AGBL4: variants seen among roughly 807,000 people sequenced by gnomAD.
The protein encoded by AGBL4 is cytosolic carboxypeptidase 6.
A neutral mutation model predicts 66.4 loss-of-function variants in AGBL4; 58 were observed. That is an observed-to-expected ratio of 0.87 (90% CI 0.71 to 1.09). The LOEUF is 1.09. Among genes scored for constraint, AGBL4 ranks in the 50% least tolerant of loss-of-function variants. The pLI, the probability that AGBL4 is intolerant of heterozygous loss-of-function variation, is 0.00. For synonymous variants in AGBL4, 234 were observed against 222.9 expected (o/e 1.05, Z -0.44); for missense variants, 579 against 631.0 (o/e 0.92, Z 0.88).
intron 6 of AGBL4, among the ~76,000 whole-genome samples, chr1:48,761,675 A>G (rs965416974): frequency 6.6e-6 from 1 of 152,204 alleles, no homozygotes; most frequent in Admixed American, 6.5e-5. Flanking sequence ...GTTTGCTAAA[A>G]GCACTGTCAT....
intron 3 of AGBL4, among the ~76,000 whole-genome samples, chr1:49,273,449 TA>T (rs1367812888): frequency 2.0e-5 from 3 of 150,674 alleles, no homozygotes; most frequent in Non-Finnish European, 4.4e-5. Context: ...TTACTTTCAA[TA>T]AAAAATAAAA....
chr1:49,585,921 C>T (rs1644638402), intron 3 of AGBL4, among the ~76,000 whole-genome samples: 1 of 152,080 alleles, frequency 6.6e-6, no homozygotes, highest in African/African-American at 2.4e-5. Context: ...AAAATAATTC[C>T]CATTTTTCCC....
chr1:49,499,106 T>G (rs967193714), intron 3 of AGBL4, among the ~76,000 whole-genome samples: 6 of 152,010 alleles, frequency 3.9e-5, no homozygotes, highest in African/African-American at 1.4e-4. Flanking sequence ...TCTTCTTCAA[T>G]TTTTTGGGAG....
chr1:48,929,066 C>A (rs1288710021), intron 5 of AGBL4, among the ~76,000 whole-genome samples: 1 of 152,184 alleles, frequency 6.6e-6, no homozygotes, highest in African/African-American at 2.4e-5. Flanking sequence ...CACCAATAAC[C>A]TTCTCCAGAC....
At chr1:49,862,180 A>G (rs959886351) in intron 1 of AGBL4, among the ~76,000 whole-genome samples, 2 of 152,198 alleles carry the variant, frequency 1.3e-5, no homozygotes, top group African/African-American at 4.8e-5. Flanking sequence ...TATCAGATAC[A>G]TATAACATAG....
chr1:49,106,273 C>G (rs1308306426), intron 4 of AGBL4, among the ~76,000 whole-genome samples: 2 of 152,188 alleles, frequency 1.3e-5, no homozygotes, highest in Non-Finnish European at 2.9e-5. Flanking sequence ...ATCACACATA[C>G]ATACCTCACA....
intron 3 of AGBL4, among the ~76,000 whole-genome samples, chr1:49,655,236 T>A (rs1042644900): frequency 6.6e-6 from 1 of 152,170 alleles, no homozygotes. Context: ...GTTGAAAATT[T>A]TTTTCTTTAA....
At chr1:48,784,174 GAT>G (rs1341208647) in intron 6 of AGBL4, among the ~76,000 whole-genome samples, 9 of 152,152 alleles carry the variant, frequency 5.9e-5, no homozygotes, top group Admixed American at 5.9e-4. Context: ...GATTAAATGA[GAT>G]AATCTATGTA....
At chr1:48,784,360 C>T (rs1645363279) in intron 6 of AGBL4, among the ~76,000 whole-genome samples, 1 of 152,092 alleles carries the variant, frequency 6.6e-6, no homozygotes, top group Non-Finnish European at 1.5e-5. Flanking sequence ...ACAGACTGAA[C>T]AATGCTAATG....
intron 6 of AGBL4, among the ~76,000 whole-genome samples, chr1:48,685,243 A>G (rs1242521152): frequency 1.3e-5 from 2 of 152,364 alleles, no homozygotes; most frequent in Non-Finnish European, 2.9e-5. Flanking sequence ...AGTATTGGAA[A>G]CTAACTTTTT....
At chr1:49,649,960 C>T (rs989991390) in intron 3 of AGBL4, among the ~76,000 whole-genome samples, 3 of 152,092 alleles carry the variant, frequency 2.0e-5, no homozygotes, top group Non-Finnish European at 4.4e-5. Context: ...AAGGACAACT[C>T]ATCAAAATTT....
At chr1:49,483,023 T>C (rs557214856) in intron 3 of AGBL4, among the ~76,000 whole-genome samples, 2 of 152,088 alleles carry the variant, frequency 1.3e-5, no homozygotes, top group African/African-American at 4.8e-5. Context: ...TGGTGAAGAG[T>C]GTTTTATTTC....
chr1:48,820,979 G>C (rs886781467), intron 6 of AGBL4, among the ~76,000 whole-genome samples: 4 of 152,048 alleles, frequency 2.6e-5, no homozygotes, highest in African/African-American at 9.7e-5. Context: ...AGACATACAA[G>C]TGGCCAATAA....
At chr1:49,027,214 G>A (rs1207908356) in intron 5 of AGBL4, among the ~76,000 whole-genome samples, 1 of 151,996 alleles carries the variant, frequency 6.6e-6, no homozygotes, top group East Asian at 1.9e-4. Context: ...ATGCTGGAGT[G>A]CAATGGCGTG....
chr1:48,968,503 G>T (rs1172108328), intron 5 of AGBL4, among the ~76,000 whole-genome samples: 1 of 152,130 alleles, frequency 6.6e-6, no homozygotes, highest in Non-Finnish European at 1.5e-5. Context: ...TGGGGCTTAA[G>T]TTGGTGGTAA....
intron 3 of AGBL4, among the ~76,000 whole-genome samples, chr1:49,689,886 A>G (rs1423304029): frequency 1.3e-5 from 2 of 152,186 alleles, no homozygotes; most frequent in Non-Finnish European, 2.9e-5. Flanking sequence ...ATTTTGAAAG[A>G]AGTTCTACTG....
intron 3 of AGBL4, among the ~76,000 whole-genome samples, chr1:49,380,128 A>T (rs1224651767): frequency 6.6e-6 from 1 of 152,180 alleles, no homozygotes; most frequent in Non-Finnish European, 1.5e-5. Flanking sequence ...AAATCTCCTT[A>T]AGCTGATAAG....
At chr1:49,087,024 G>A (rs773598609) in intron 4 of AGBL4, among the ~76,000 whole-genome samples, 2 of 148,986 alleles carry the variant, frequency 1.3e-5, no homozygotes, top group Non-Finnish European at 3.0e-5. Context: ...AAGGGCATAA[G>A]AGAAGGTAAA....
chr1:49,624,159 C>T (rs935516209), intron 3 of AGBL4, among the ~76,000 whole-genome samples: 13 of 151,954 alleles, frequency 8.6e-5, no homozygotes, highest in Non-Finnish European at 1.6e-4. Context: ...CCATCATCAC[C>T]ATCATTTTTA....
Sources: allele counts gnomAD v4.1 joint callset (sites outside exome capture counted in the v4.1 genomes callset), GRCh38; gene constraint gnomAD v4.1.1; transcripts MANE v1.5; gene names NCBI Gene and HGNC (gene_info 2026-07-23, HGNC 2026-07-21).